C10orf67: variants seen among roughly 807,000 people sequenced by gnomAD.
The protein encoded by C10orf67 is chromosome 10 open reading frame 67.
In C10orf67, 60 loss-of-function variants were observed where a neutral mutation model predicts 35.6. The observed-to-expected ratio is 1.68, with a 90% confidence interval of 1.37 to 2.09. C10orf67 has a LOEUF of 2.09. Among genes scored for constraint, C10orf67 ranks in the 30% most tolerant of loss-of-function variants. The pLI, the probability that C10orf67 is intolerant of heterozygous loss-of-function variation, is 0.00. For synonymous variants in C10orf67, 167 were observed against 115.8 expected (o/e 1.44, Z -2.84); for missense variants, 474 against 330.2 (o/e 1.44, Z -3.38).
intron 8 of C10orf67, among the ~76,000 whole-genome samples, chr10:23,275,852 T>C (rs1187685679): frequency 6.6e-6 from 1 of 152,188 alleles, no homozygotes. Flanking sequence ...GGGAGTCACT[T>C]TGAATGCTAG....
intron 15 of C10orf67, among the ~76,000 whole-genome samples, chr10:23,205,969 A>G (rs1588569316): frequency 1.3e-5 from 2 of 152,248 alleles, no homozygotes; most frequent in East Asian, 3.8e-4. Flanking sequence ...CTTTTCTAAC[A>G]ATGTGCATTT....
chr10:23,259,264 A>G (rs1213488107), intron 10 of C10orf67, among the ~76,000 whole-genome samples: 3 of 152,220 alleles, frequency 2.0e-5, no homozygotes, highest in Non-Finnish European at 1.5e-5. Context: ...TATTCTGTAT[A>G]TCATGCCTTT....
intron 15 of C10orf67, among the ~76,000 whole-genome samples, chr10:23,223,167 C>A (rs1841632282): frequency 6.6e-6 from 1 of 152,140 alleles, no homozygotes; most frequent in Non-Finnish European, 1.5e-5. Context: ...GCAGCCTTGA[C>A]CTCCTGGGCT....
Position 23,236,249 on chromosome 10 carries a change from G to A in C10orf67, c.1434+3480C>T, listed in dbSNP as rs184847688. ...GGGCGACAGAGCGAGACTCCCTCTC[G>A]GGGGAAAAAAAAAAAAAAAAAAAAA... is the stretch of plus-strand genomic sequence containing the variant. On this transcript the variant is annotated intron_variant, in intron 13 of 15. Transcript: ENST00000636213. Among the ~76,000 whole-genome samples the A allele has an allele frequency of 5.2e-3, 470 of 89,690 alleles. 4 individuals are homozygous for A. Among genetic ancestry groups the A allele is most frequent in the African/African-American group, 0.03 (440 of 14,676 alleles). 58.8% of individuals were successfully genotyped at this position (89,690 alleles called of 152,430 possible). A position where few individuals can be genotyped will look rare whatever the true frequency, so the allele number is the denominator to read the frequency against.
At chr10:23,267,485 C>T (rs1842915661) in intron 8 of C10orf67, among the ~76,000 whole-genome samples, 1 of 152,168 alleles carries the variant, frequency 6.6e-6, no homozygotes, top group South Asian at 2.1e-4. Context: ...AATCTAAAGT[C>T]ATTAGCCTTT....
intron 8 of C10orf67, among the ~76,000 whole-genome samples, chr10:23,276,048 A>T (rs900609704): frequency 3.9e-5 from 6 of 152,194 alleles, no homozygotes; most frequent in Non-Finnish European, 7.3e-5. Flanking sequence ...TCTTCCCATT[A>T]GGGTGATTAA....
At position 23,251,108 on chromosome 10, in the gene C10orf67, T is replaced by C. The variant is rs972250170; in HGVS notation, c.1201-417A>G. 1.8e-3 allele frequency among the ~76,000 whole-genome samples: 271 copies of C among 152,194 alleles called. 3 individuals are homozygous for C. The highest frequency in any genetic ancestry group is 2.8e-3 in the Non-Finnish European group (187 of 67,996). ...CGAGACCCTGTCTCAAAAAAATTTTTTTTTCGAGAGAACAATGAGTTATAT... is the reference window on the plus strand; with the variant it reads ...CGAGACCCTGTCTCAAAAAAATTTTCTTTTCGAGAGAACAATGAGTTATAT... On this transcript the variant is annotated intron_variant, in intron 10 of 15. Coordinates refer to ENST00000636213, the MANE Select transcript of C10orf67 (RefSeq NM_001371909.1).
At chr10:23,328,993 C>CAAAAAAAAAAAAAAAAAA (rs57772405) in intron 2 of C10orf67, among the ~76,000 whole-genome samples, 96 of 78,730 alleles carry the variant, frequency 1.2e-3, no homozygotes, top group South Asian at 2.3e-3. Flanking sequence ...CATAAACGAA[C>CAAAAAAAAAAAAAAAAAA]AAAAAAAAAA....
At chr10:23,236,817 C>G in intron 13 of C10orf67, among the ~76,000 whole-genome samples, 1 of 152,164 alleles carries the variant, frequency 6.6e-6, no homozygotes. Context: ...GTGGAGGTTG[C>G]AGTGAGCCAA....
chr10:23,282,050 T>C lies in C10orf67; in HGVS notation c.938A>G (p.Glu313Gly). ...KLMDSRDRLREELHYEKSLVQ... is the reference protein window; with the variant it reads ...KLMDSRDRLRGELHYEKSLVQ... ...TAATGATTTTTCATAATGAAGCTCT[T>C]CTCTTAATCTGTCTCTACTATCCAT... is the stretch of plus-strand genomic sequence containing the variant. The change falls in exon 8 of 16, where the codon GAA (glutamate) becomes GGA (glycine). Residue 313 changes from glutamate to glycine, a missense_variant. By Grantham distance (98) the Glu-to-Gly change is moderately conservative. Transcript: ENST00000636213. 1.6e-6 allele frequency: 1 copy of C among 630,648 alleles called. No homozygotes were observed. Among genetic ancestry groups the C allele is most frequent in the Non-Finnish European group, 2.9e-6 (1 of 346,982 alleles). 39.1% of individuals were successfully genotyped at this position (630,648 alleles called of 1,614,324 possible).
intron 12 of C10orf67, among the ~76,000 whole-genome samples, chr10:23,248,220 G>A (rs1842364652): frequency 6.6e-6 from 1 of 152,206 alleles, no homozygotes; most frequent in African/African-American, 2.4e-5. Context: ...TGGCTCAGGT[G>A]GATGCATGTG....
In C10orf67 at chr10:23,331,271, G is replaced by A. The variant is rs1478596900; in HGVS notation, c.327+1791C>T. On this transcript the variant is annotated intron_variant, in intron 2 of 15. Coordinates refer to ENST00000636213, the MANE Select transcript of C10orf67 (RefSeq NM_001371909.1). ...AGGGAAGAGGGAAGGGAAGGGAAGAGGGAAGGGAAGGGAAGGGAAGAGGGA... is the reference window on the plus strand; with the variant it reads ...AGGGAAGAGGGAAGGGAAGGGAAGAAGGAAGGGAAGGGAAGGGAAGAGGGA... Among the ~76,000 whole-genome samples the A allele has an allele frequency of 2.2e-3, 12 of 5,376 alleles. 5 individuals are homozygous for A. Among genetic ancestry groups the A allele is most frequent in the East Asian group, 0.019 (1 of 52 alleles). The allele number at this position is 5,376 out of a possible 152,430, so 3.5% of individuals were successfully genotyped here.
rs537629709 is a variant in C10orf67 at position 23,240,573 on chromosome 10, C to T, written c.1347-757G>A. ...ATATATTAGCTATTTGGGAAATTCT[C>T]AGCCTATCTTGATTGCAAGCGATGC... On this transcript the variant is annotated intron_variant, in intron 12 of 15. Coordinates refer to ENST00000636213, the MANE Select transcript of C10orf67 (RefSeq NM_001371909.1). 3.3e-5 allele frequency among the ~76,000 whole-genome samples: 5 copies of T among 152,322 alleles called. No individual in the cohort carries two copies. The East Asian group carries it at 9.7e-4, about 29-fold the overall frequency.
intron 12 of C10orf67, among the ~76,000 whole-genome samples, chr10:23,240,061 C>A (rs1374049219): frequency 1.3e-5 from 2 of 151,996 alleles, no homozygotes; most frequent in South Asian, 4.2e-4. Context: ...CGTGGTGGTA[C>A]ATGCCTGTAG....
rs369782043 is a variant in C10orf67, at chr10:23,230,247, T to A, written c.1435-6429A>T. Among the ~76,000 whole-genome samples the A allele has an allele frequency of 1.3e-4, 20 of 152,280 alleles. No individual in the cohort carries two copies. In the East Asian group the frequency reaches 2.7e-3, roughly 21 times the overall value. ...CTTTTTATTAAATGGATACTTCAGATGGTTATTTATAATAAAAGGAAATGA... is the reference window on the plus strand; with the variant it reads ...CTTTTTATTAAATGGATACTTCAGAAGGTTATTTATAATAAAAGGAAATGA... On this transcript the variant is annotated intron_variant, in intron 13 of 15. Transcript: ENST00000636213.
At chr10:23,285,303 AAGAC>A (rs1003119972) in intron 7 of C10orf67, among the ~76,000 whole-genome samples, 5 of 151,306 alleles carry the variant, frequency 3.3e-5, no homozygotes, top group African/African-American at 7.3e-5. Flanking sequence ...AATGAAAAGA[AAGAC>A]AGAATTAAAA....
In C10orf67 at chr10:23,204,211, A is replaced by T. The variant is rs1281026139; in HGVS notation, c.1615T>A (p.Ser539Thr). 3.1e-6 allele frequency: 2 copies of T among 651,784 alleles called. No homozygotes were observed. Among genetic ancestry groups the T allele is most frequent in the African/African-American group, 3.7e-5 (2 of 54,518 alleles). 40.4% of individuals were successfully genotyped at this position (651,784 alleles called of 1,614,324 possible). A position where few individuals can be genotyped will look rare whatever the true frequency, so the allele number is the denominator to read the frequency against. Residue 539 changes from serine (S) to threonine (T), a missense_variant, in exon 16 of 16, where the codon TCC becomes ACC. Physicochemically the swap from Ser to Thr is moderately conservative, Grantham distance 58. Transcript: ENST00000636213. ...TCTGCGGGGCTGCTCTGGCGCATGG[A>T]GGGCTCCTCCAAGGACTCTTCTTTT... ...SPKEESLEEP[S>T]MRQSSPAETV...
Position 23,269,672 on chromosome 10 carries a change from G to T in C10orf67, c.976-2418C>A, listed in dbSNP as rs181220856. Among the ~76,000 whole-genome samples the T allele has an allele frequency of 5.8e-3, 882 of 150,832 alleles. 3 individuals carry two copies. The highest frequency in any genetic ancestry group is 9.5e-3 in the Admixed American group (143 of 15,048). Reference sequence around the variant, plus strand: ...AAGCACTTAAATATAAATATACTGAGAATTTAAAAATAAGTGCATTGAAAA... The same window carrying T: ...AAGCACTTAAATATAAATATACTGATAATTTAAAAATAAGTGCATTGAAAA... On this transcript the variant is annotated intron_variant, in intron 8 of 15. Coordinates refer to ENST00000636213, the MANE Select transcript of C10orf67 (RefSeq NM_001371909.1).
chr10:23,209,970 A>T (rs143680777), intron 15 of C10orf67, among the ~76,000 whole-genome samples: 1 of 141,590 alleles, frequency 7.1e-6, no homozygotes, highest in African/African-American at 2.7e-5. Flanking sequence ...ATTGCACTCC[A>T]GCTTGGGCAA....
Sources: gnomAD v4.1 joint callset for allele counts (sites outside exome capture counted in the v4.1 genomes callset) on GRCh38, gnomAD v4.1.1 for gene constraint, MANE v1.5 for transcripts, NCBI Gene and HGNC (gene_info 2026-07-23, HGNC 2026-07-21) for gene names.